OTUD7B: variants seen among roughly 807,000 people sequenced by gnomAD.
OTUD7B encodes OTU deubiquitinase 7B.
A neutral mutation model predicts 82.2 loss-of-function variants in OTUD7B; 34 were observed. That is an observed-to-expected ratio of 0.41 (90% CI 0.31 to 0.55). The LOEUF (loss-of-function observed/expected upper bound fraction) is 0.55, where lower values mean the gene tolerates loss of function less well. Ranked by LOEUF, OTUD7B falls within the 20% of genes least tolerant of loss-of-function variation. OTUD7B has a pLI of 0.20. For missense variants in OTUD7B, 944 were observed against 1,062.1 expected, an observed-to-expected ratio of 0.89 and a Z score of 1.55; for synonymous variants, 398 against 402.7, an observed-to-expected ratio of 0.99 and a Z score of 0.14.
At chr1:149,996,073 T>A (rs782705058) in intron 1 of OTUD7B, among the ~76,000 whole-genome samples, 1 of 152,250 alleles carries the variant, frequency 6.6e-6, no homozygotes, top group African/African-American at 2.4e-5. Flanking sequence ...CCAACTCGCA[T>A]GACCACATTA....
At chr1:150,002,793 C>A (rs1249661202) in intron 1 of OTUD7B, among the ~76,000 whole-genome samples, 2 of 152,132 alleles carry the variant, frequency 1.3e-5, no homozygotes, top group Non-Finnish European at 2.9e-5. Flanking sequence ...TTGTCTGATT[C>A]CATGAATCTG....
the OTUD7B span, among the ~76,000 whole-genome samples, chr1:150,046,969 G>T: frequency 0.13 from 19,426 of 151,904 alleles, 1,413 homozygotes; most frequent in Non-Finnish European, 0.17. Context: ...TACTGGGGAG[G>T]CTAAGGCAGG....
At chr1:150,005,662 C>CT (rs1288472719) in intron 1 of OTUD7B, among the ~76,000 whole-genome samples, 147,516 of 147,976 alleles carry the variant, frequency 1, 73,528 homozygotes, top group Middle Eastern at 1. Flanking sequence ...CTGCCCATTC[C>CT]TTTTTTTTTT....
Position 149,959,776 on chromosome 1 carries a change from T to G in OTUD7B, c.753A>C (p.Glu251Asp). The G allele has an allele frequency of 1.2e-6, 2 of 1,613,644 alleles. No homozygotes were observed. The highest frequency in any genetic ancestry group is 1.7e-6 in the Non-Finnish European group (2 of 1,179,528). ...QNKESGLVYT[E>D]DEWQKEWNEL... Reference sequence around the variant, plus strand: ...CATTCCACTCCTTCTGCCATTCATCTTCTGTGTATACCAGCCCTGACTGTG... The same window carrying G: ...CATTCCACTCCTTCTGCCATTCATCGTCTGTGTATACCAGCCCTGACTGTG... The change falls in exon 7 of 12, where the codon GAA becomes GAC. Residue 251 changes from glutamate (E) to aspartate (D), a missense_variant. Glu to Asp is a conservative substitution (Grantham distance 45). This residue lies in a region of OTUD7B where 530 missense variants were observed against 625.6 expected (regional missense o/e 0.85). Coordinates refer to ENST00000581312, the MANE Select transcript of OTUD7B (RefSeq NM_020205.4).
At chr1:150,041,099 G>A in the OTUD7B span, among the ~76,000 whole-genome samples, 1 of 151,828 alleles carries the variant, frequency 6.6e-6, no homozygotes, top group Non-Finnish European at 1.5e-5. Flanking sequence ...TAAGTGTACA[G>A]TTCAGTCATG....
At chr1:150,053,652 T>C in the OTUD7B span, among the ~76,000 whole-genome samples, 1 of 151,978 alleles carries the variant, frequency 6.6e-6, no homozygotes, top group African/African-American at 2.4e-5. Context: ...CACCTCAGCC[T>C]CCCAAAGTGC....
intron 11 of OTUD7B, among the ~76,000 whole-genome samples, chr1:149,946,264 G>T (rs1647725402): frequency 6.6e-6 from 1 of 151,748 alleles, no homozygotes; most frequent in Admixed American, 6.6e-5. Context: ...TCGGGAGGCT[G>T]AGGCAGGAGA....
At chr1:150,001,569 C>A (rs1000089305) in intron 1 of OTUD7B, among the ~76,000 whole-genome samples, 2 of 152,126 alleles carry the variant, frequency 1.3e-5, no homozygotes, top group Non-Finnish European at 2.9e-5. Flanking sequence ...AGTTATCTCC[C>A]CTAAAACAGC....
intron 1 of OTUD7B, among the ~76,000 whole-genome samples, chr1:149,996,476 T>G (rs782366754): frequency 7.9e-5 from 12 of 152,246 alleles, no homozygotes; most frequent in Non-Finnish European, 1.3e-4. Context: ...TAACAATGGT[T>G]GCAGACATTC....
chr1:149,951,915 T>C (rs982466678), intron 7 of OTUD7B, among the ~76,000 whole-genome samples: 7 of 151,700 alleles, frequency 4.6e-5, no homozygotes, highest in Non-Finnish European at 1.0e-4. Flanking sequence ...AAACAGAAAG[T>C]TTATTACAGC....
At chr1:149,980,083 CCAGA>C (rs1553779374) in intron 1 of OTUD7B, among the ~76,000 whole-genome samples, 1 of 151,912 alleles carries the variant, frequency 6.6e-6, no homozygotes, top group African/African-American at 2.4e-5. Context: ...AATTTCACAG[CCAGA>C]CAGTCTTCTG....
Position 149,944,849 on chromosome 1 carries a change from C to G in OTUD7B, c.1540G>C (p.Gly514Arg). Residue 514 changes from glycine (G) to arginine (R), a missense_variant, in exon 12 of 12, where the codon GGC becomes CGC. Around this residue, in one of 3 missense-constraint regions of OTUD7B, gnomAD observed 412 missense variants for 418.7 expected, o/e 0.98. Transcript: ENST00000581312. The part of the protein sequence containing the change: ...NKLGSFGKTL[G>R]SKLKKNMGGL... ...CCCATGTTCTTCTTGAGCTTGCTGC[C>G]CAAGGTTTTGCCAAAGCTGCCCAGT... The G allele has an allele frequency of 6.2e-7, 1 of 1,614,164 alleles. No homozygotes were observed. Among genetic ancestry groups the G allele is most frequent in the Non-Finnish European group, 8.5e-7 (1 of 1,180,038 alleles).
the OTUD7B span, among the ~76,000 whole-genome samples, chr1:150,042,776 A>C: frequency 6.6e-6 from 1 of 152,184 alleles, no homozygotes; most frequent in African/African-American, 2.4e-5. Flanking sequence ...TAAGGTAAGG[A>C]ATTCAGAATG....
the OTUD7B span, among the ~76,000 whole-genome samples, chr1:150,023,901 T>C: frequency 2.6e-5 from 4 of 152,218 alleles, no homozygotes; most frequent in African/African-American, 9.6e-5. Flanking sequence ...TATAAATATA[T>C]AATCATTATT....
intron 2 of OTUD7B, among the ~76,000 whole-genome samples, chr1:149,974,642 C>T (rs1285277634): frequency 1.3e-5 from 2 of 150,242 alleles, no homozygotes; most frequent in African/African-American, 2.5e-5. Context: ...CTCTGCCTCC[C>T]GGGTTTAAGA....
At chr1:150,041,002 G>T in the OTUD7B span, among the ~76,000 whole-genome samples, 1 of 151,464 alleles carries the variant, frequency 6.6e-6, no homozygotes, top group African/African-American at 2.4e-5. Context: ...TTGCCACAGC[G>T]CCTGGCCTCT....
chr1:149,964,352 G>A lies in OTUD7B; in HGVS notation c.605-3C>T, dbSNP rs1256300827. 5 of 1,608,624 alleles carry A rather than the reference G, an allele frequency of 3.1e-6. No individual in the cohort carries two copies. The highest frequency in any genetic ancestry group is 1.3e-5 in the African/African-American group (1 of 74,418). On this transcript the variant is annotated splice_region_variant and splice_polypyrimidine_tract_variant and intron_variant, in intron 5 of 11. Coordinates refer to ENST00000581312, the MANE Select transcript of OTUD7B (RefSeq NM_020205.4). ...CCGATCATGGAAACCCCACATTCCT[G>A]TGGCAAAAAAGCATAATGGTAAGAT...
At chr1:150,037,084 T>C in the OTUD7B span, among the ~76,000 whole-genome samples, 1 of 152,122 alleles carries the variant, frequency 6.6e-6, no homozygotes, top group Admixed American at 6.6e-5. Context: ...TTTTCAAGCA[T>C]ATACGAGAAA....
chr1:149,962,588 C>T (rs1553775809), intron 6 of OTUD7B: 1 of 152,136 alleles, frequency 6.6e-6, no homozygotes, highest in Non-Finnish European at 1.5e-5. Context: ...GCTGGCTGGC[C>T]AAGGATAGAA....
Sources: allele counts gnomAD v4.1 joint callset (sites outside exome capture counted in the v4.1 genomes callset), GRCh38; gene constraint gnomAD v4.1.1; regional missense constraint gnomAD v4.1.1; transcripts MANE v1.5; gene names NCBI Gene and HGNC (gene_info 2026-07-23, HGNC 2026-07-21).